DENND4A: variants seen among roughly 807,000 people sequenced by gnomAD.
DENND4A encodes DENN domain containing 4A.
DENND4A carries 70 observed loss-of-function variants against 199.3 expected under a neutral mutation model. The ratio of observed to expected loss-of-function variants is 0.35; its 90% CI spans 0.29 to 0.43. The LOEUF is 0.43. Among genes scored for constraint, DENND4A ranks in the 20% least tolerant of loss-of-function variants. The pLI, the probability that DENND4A is intolerant of heterozygous loss-of-function variation, is 1.00. For missense variants in DENND4A, 1,723 were observed against 2,255.8 expected, an observed-to-expected ratio of 0.76 and a Z score of 4.78; for synonymous variants, 686 against 766.9, an observed-to-expected ratio of 0.89 and a Z score of 1.74.
chr15:65,669,853 C>A lies in DENND4A; in HGVS notation c.4713G>T (p.Gln1571His). 6.2e-7 allele frequency: 1 copy of A among 1,613,828 alleles called. No individual in the cohort carries two copies. The highest frequency in any genetic ancestry group is 8.5e-7 in the Non-Finnish European group (1 of 1,179,774). ...CAGAGGCTGATGTTGAAATGCAAGA[C>A]TGCCTCGTCTGACTTGAAATGGAGG... The part of the protein sequence containing the change: ...FPSSISSQTR[Q>H]SCISTSASGL... The change falls in exon 27 of 33, where the codon CAG (glutamine) becomes CAT (histidine). Residue 1571 changes from glutamine (Q) to histidine (H), a missense_variant. Around this residue, in one of 6 missense-constraint regions of DENND4A, gnomAD observed 141 missense variants for 170.7 expected, o/e 0.83. Coordinates refer to ENST00000443035, the MANE Select transcript of DENND4A (RefSeq NM_001320835.1).
At chr15:65,667,731 G>T in intron 28 of DENND4A, 28 bp from the exon 29 acceptor site, 1 of 1,589,130 alleles carries the variant, frequency 6.3e-7, no homozygotes, top group Non-Finnish European at 8.5e-7. Flanking sequence ...ACCATAAATG[G>T]CAAATGCAAA....
intron 23 of DENND4A, among the ~76,000 whole-genome samples, chr15:65,682,480 G>T (rs542777297): frequency 3.7e-4 from 57 of 152,170 alleles, no homozygotes; most frequent in Non-Finnish European, 7.5e-4. Context: ...GAGTTAGTTA[G>T]GGCCTTGCTC....
chr15:65,744,601 G>T (rs2076340545), intron 4 of DENND4A, among the ~76,000 whole-genome samples: 1 of 151,740 alleles, frequency 6.6e-6, no homozygotes, highest in Admixed American at 6.6e-5. Context: ...TTCCTCCTTA[G>T]CATGTATCAC....
At chr15:65,781,206 G>A (rs886774539) in intron 1 of DENND4A, among the ~76,000 whole-genome samples, 6 of 152,198 alleles carry the variant, frequency 3.9e-5, no homozygotes, top group African/African-American at 1.4e-4. Flanking sequence ...GCTCTGCAGA[G>A]TTGGAGTGGA....
In DENND4A at chr15:65,720,949, A is replaced by C. The variant is rs113111520; in HGVS notation, c.1588+1899T>G. 8.2e-3 allele frequency among the ~76,000 whole-genome samples: 190 copies of C among 23,296 alleles called. 1 individual carries two copies. The highest frequency in any genetic ancestry group is 0.071 in the East Asian group (3 of 42). The allele number at this position is 23,296 out of a possible 152,430, so 15.3% of individuals were successfully genotyped here. A position where few individuals can be genotyped will look rare whatever the true frequency, so the allele number is the denominator to read the frequency against. On this transcript the variant is annotated intron_variant, in intron 12 of 32. Transcript: ENST00000443035. ...AGTTGAATGGGCTGTTTCATTGATT[A>C]TATATATATATATATATATATATAT...
chr15:65,778,578 T>G (rs2077346015), intron 1 of DENND4A, among the ~76,000 whole-genome samples: 1 of 152,026 alleles, frequency 6.6e-6, no homozygotes, highest in African/African-American at 2.4e-5. Context: ...GTCACATGAA[T>G]TTTTTGGTTT....
chr15:65,762,517 T>C (rs1418049729), intron 1 of DENND4A, among the ~76,000 whole-genome samples: 1 of 151,832 alleles, frequency 6.6e-6, no homozygotes, highest in East Asian at 1.9e-4. Flanking sequence ...TAGTCTCAGC[T>C]ACTCAGGAGA....
intron 4 of DENND4A, among the ~76,000 whole-genome samples, chr15:65,748,095 C>T (rs1344374173): frequency 7.2e-6 from 1 of 138,652 alleles, no homozygotes; most frequent in Non-Finnish European, 1.6e-5. Context: ...CCCTACACTT[C>T]AGAAAAAGGA....
At position 65,700,687 on chromosome 15, in the gene DENND4A, A is replaced by G; in HGVS notation, c.2702-12T>C. ...GTCACTGCCATCTGCTTAAGAACAC[A>G]ATTTGACAGCATTTTACTACTCGAA... On this transcript the variant is annotated splice_polypyrimidine_tract_variant and intron_variant, in intron 19 of 32. Coordinates refer to ENST00000443035, the MANE Select transcript of DENND4A (RefSeq NM_001320835.1). 1 of 1,520,078 alleles carries G rather than the reference A, an allele frequency of 6.6e-7. No individual in the cohort carries two copies. The highest frequency in any genetic ancestry group is 8.8e-7 in the Non-Finnish European group (1 of 1,135,938). 94.2% of individuals were successfully genotyped at this position (1,520,078 alleles called of 1,614,324 possible). A position where few individuals can be genotyped will look rare whatever the true frequency, so the allele number is the denominator to read the frequency against.
chr15:65,765,686 G>A (rs2076966496), intron 1 of DENND4A, among the ~76,000 whole-genome samples: 1 of 152,168 alleles, frequency 6.6e-6, no homozygotes, highest in Admixed American at 6.6e-5. Flanking sequence ...TCAAGATACA[G>A]TACAGTTCCA....
chr15:65,737,305 T>G (rs1314836066), intron 7 of DENND4A, among the ~76,000 whole-genome samples: 1 of 152,206 alleles, frequency 6.6e-6, no homozygotes, highest in African/African-American at 2.4e-5. Context: ...GAGATCTGCC[T>G]GCCTTGGCTT....
At chr15:65,715,867 G>T (rs1270560360) in intron 13 of DENND4A, among the ~76,000 whole-genome samples, 1 of 152,070 alleles carries the variant, frequency 6.6e-6, no homozygotes, top group African/African-American at 2.4e-5. Context: ...CCATCTTAAA[G>T]ATTATAAACT....
At chr15:65,717,398 G>A (rs958136990) in intron 13 of DENND4A, among the ~76,000 whole-genome samples, 3 of 152,056 alleles carry the variant, frequency 2.0e-5, no homozygotes, top group African/African-American at 7.3e-5. Context: ...TATTTGTAAA[G>A]TATACTGAAA....
intron 1 of DENND4A, among the ~76,000 whole-genome samples, chr15:65,781,033 T>C (rs1262816924): frequency 6.6e-6 from 1 of 152,156 alleles, no homozygotes; most frequent in African/African-American, 2.4e-5. Flanking sequence ...GAAGGCGTTC[T>C]AGAGAAAGTA....
chr15:65,676,515 G>A lies in DENND4A; in HGVS notation c.4299C>T (p.Thr1433=). ...TTCTCTTAGTCCCTGAAGTAGCACT[G>A]GTCTCTTGAGAGGAGATAGGTCCTT... is the stretch of plus-strand genomic sequence containing the variant. The part of the protein sequence containing the change: ...ELEGPISSQE[T]SATSGTKRID... Residue 1433 remains threonine, a synonymous_variant, in exon 24 of 33, where the codon ACC becomes ACT. Transcript: ENST00000443035. 5 of 1,613,608 alleles carry A rather than the reference G, an allele frequency of 3.1e-6. No individual in the cohort carries two copies. The highest frequency in any genetic ancestry group is 3.4e-6 in the Non-Finnish European group (4 of 1,179,728).
intron 9 of DENND4A, 103 bp downstream of exon 9, chr15:65,731,539 G>T: frequency 1.1e-6 from 1 of 877,970 alleles, no homozygotes; most frequent in Non-Finnish European, 1.8e-6. Context: ...AGTTAAATGA[G>T]AAGTATTTCC....
chr15:65,663,189 TA>T (rs1408712499), intron 32 of DENND4A, among the ~76,000 whole-genome samples: 9 of 124,996 alleles, frequency 7.2e-5, no homozygotes, highest in African/African-American at 2.7e-4. Context: ...TATATATATA[TA>T]TATATATATT....
chr15:65,705,429 C>A (rs2075016306), intron 15 of DENND4A, among the ~76,000 whole-genome samples: 1 of 152,106 alleles, frequency 6.6e-6, no homozygotes, highest in Non-Finnish European at 1.5e-5. Context: ...ATATTGGGAA[C>A]TAAATAATGC....
intron 24 of DENND4A, among the ~76,000 whole-genome samples, chr15:65,675,137 G>T (rs1190361337): frequency 6.6e-6 from 1 of 152,038 alleles, no homozygotes; most frequent in Non-Finnish European, 1.5e-5. Context: ...TAAATCAGAG[G>T]TAAAATCCAT....
Sources: gnomAD v4.1 joint callset for allele counts (sites outside exome capture counted in the v4.1 genomes callset) on GRCh38, gnomAD v4.1.1 for gene constraint, gnomAD v4.1.1 regional missense constraint, MANE v1.5 for transcripts, NCBI Gene and HGNC (gene_info 2026-07-23, HGNC 2026-07-21) for gene names.